The following MTCL1 variants were observed in gnomAD, a reference collection of about 807,000 sequenced individuals.
The protein encoded by MTCL1 is microtubule cross-linking factor 1.
A neutral mutation model predicts 141.4 loss-of-function variants in MTCL1; 79 were observed. That is an observed-to-expected ratio of 0.56 (90% CI 0.47 to 0.67). MTCL1 has a LOEUF of 0.67. Ranked by LOEUF, MTCL1 falls within the 30% of genes least tolerant of loss-of-function variation. The pLI, the probability that MTCL1 is intolerant of heterozygous loss-of-function variation, is 0.00. For synonymous variants in MTCL1, 914 were observed against 875.8 expected (o/e 1.04, Z -0.77); for missense variants, 2,177 against 2,113.9 (o/e 1.03, Z -0.59).
upstream of MTCL1, among the ~76,000 whole-genome samples, chr18:8,716,569 A>ATTTTTTTTTTTT (rs138840096): frequency 2.9e-5 from 3 of 103,864 alleles, no homozygotes; most frequent in Admixed American, 1.1e-4. Flanking sequence ...CTTTTTGTTC[A>ATTTTTTTTTTTT]TTTTTTTTTT....
At chr18:8,831,460 T>C (rs1205811998) in intron 16 of MTCL1, 147 bp from the exon 15 acceptor site, 2 of 1,441,612 alleles carry the variant, frequency 1.4e-6, no homozygotes, top group Middle Eastern at 1.8e-4. Flanking sequence ...TTATTCTGCA[T>C]GAGCATAGAA....
At chr18:8,706,332 G>C in exon 1 of MTCL1, 1 of 1,230,574 alleles carries the variant, frequency 8.1e-7, no homozygotes, top group Non-Finnish European at 1.0e-6. Flanking sequence ...CCGACGAGCA[G>C]CGCCTGCTCC....
exon 6 of MTCL1, chr18:8,784,233 A>G (rs1214026870): frequency 1.9e-6 from 3 of 1,609,072 alleles, no homozygotes; most frequent in Admixed American, 1.7e-5. Context: ...CTGGCAGCCC[A>G]CCTGGGGCTG....
chr18:8,722,791 A>G (rs2096182200), intron 4 of MTCL1, among the ~76,000 whole-genome samples: 1 of 152,238 alleles, frequency 6.6e-6, no homozygotes, highest in African/African-American at 2.4e-5. Context: ...TCAACTGTAG[A>G]ACTATATTTT....
intron 14 of MTCL1, among the ~76,000 whole-genome samples, chr18:8,821,735 A>C (rs894761593): frequency 6.6e-6 from 1 of 152,164 alleles, no homozygotes; most frequent in Non-Finnish European, 1.5e-5. Context: ...AGGACTTTCC[A>C]GTTGTTGTTG....
intron 11 of MTCL1, chr18:8,809,521 C>T (rs1568080002): frequency 3.9e-6 from 6 of 1,536,112 alleles, no homozygotes; most frequent in East Asian, 2.4e-5. Flanking sequence ...GCTGGGTCCA[C>T]GGTAAAAACG....
At chr18:8,799,301 C>A (rs1432440287) in intron 10 of MTCL1, among the ~76,000 whole-genome samples, 1 of 152,224 alleles carries the variant, frequency 6.6e-6, no homozygotes, top group African/African-American at 2.4e-5. Flanking sequence ...CAGGCGGCAA[C>A]CTTCTGAGTG....
intron 4 of MTCL1, among the ~76,000 whole-genome samples, chr18:8,722,707 T>G (rs896069886): frequency 9.9e-5 from 15 of 152,186 alleles, no homozygotes; most frequent in African/African-American, 3.6e-4. Context: ...TCTTGCTGTC[T>G]CAGGGGTGGC....
chr18:8,819,175 C>T lies in MTCL1; in HGVS notation c.3072C>T (p.Tyr1024=), dbSNP rs775249898. Residue 1024 remains tyrosine, a synonymous_variant, in exon 13 of 17, where the codon TAC becomes TAT. Coordinates refer to ENST00000359865, the Ensembl canonical transcript of MTCL1. ...GGTGCTCGGCCAGTGAGAATCTCTA[C>T]CTGGATGCCTTGTCCCTGGATGACG... 2.5e-6 allele frequency: 4 copies of T among 1,614,118 alleles called. No homozygotes were observed. The South Asian group carries it at 3.3e-5, about 13-fold the overall frequency.
At chr18:8,714,942 G>A (rs886322653), upstream of MTCL1, among the ~76,000 whole-genome samples, 2 of 152,004 alleles carry the variant, frequency 1.3e-5, no homozygotes, top group South Asian at 2.1e-4. Context: ...GACTACAGGT[G>A]CCCGCCACCA....
intron 10 of MTCL1, among the ~76,000 whole-genome samples, chr18:8,805,102 A>AATATATATATATATATATATATATATAT (rs71356268): frequency 5.5e-4 from 80 of 146,324 alleles, no homozygotes; most frequent in African/African-American, 1.7e-3. Flanking sequence ...TTTATTTTTG[A>AATATATATATATATATATATATATATAT]ATATATATAT....
rs1218977088 is a variant in MTCL1 at position 8,825,749 on chromosome 18, G to A, written c.4239G>A (p.Gly1413=). The stretch of plus-strand genomic sequence containing the variant: ...AGCCAAATAACAGGACGTCACCAGG[G>A]ATGGCCCAGAAAGGGTACAGTGAGT... Residue 1413 remains glycine, a synonymous_variant, in exon 15 of 17, where the codon GGG becomes GGA. Coordinates refer to ENST00000359865, the Ensembl canonical transcript of MTCL1. 1.9e-6 allele frequency: 3 copies of A among 1,614,178 alleles called. No individual in the cohort carries two copies. In the South Asian group the frequency reaches 3.3e-5, roughly 18 times the overall value.
intron 7 of MTCL1, 191 bp downstream of exon 6, chr18:8,786,282 C>T (rs1054307768): frequency 5.1e-5 from 37 of 729,912 alleles, no homozygotes; most frequent in South Asian, 5.9e-5. Flanking sequence ...CAGGTGCCTG[C>T]GGTGAACTGC....
At chr18:8,813,127 G>A in exon 12 of MTCL1, 1 of 1,614,194 alleles carries the variant, frequency 6.2e-7, no homozygotes, top group Non-Finnish European at 8.5e-7. Flanking sequence ...ATCCATCACA[G>A]CGAGAAGAAC....
At chr18:8,737,189 A>G (rs1231368290) in intron 4 of MTCL1, among the ~76,000 whole-genome samples, 1 of 152,208 alleles carries the variant, frequency 6.6e-6, no homozygotes, top group Non-Finnish European at 1.5e-5. Context: ...GGACGCTGGC[A>G]TCACTCTTCA....
At position 8,720,313 on chromosome 18, in the gene MTCL1, TA is replaced by T. The variant is rs768304502; in HGVS notation, c.199-23del. Reference sequence around the variant, plus strand: ...GCACACAAAAAGCCTCATATCCTGATAATGATCTCTGTGGGTCGATGCAGGT... The same window carrying T: ...GCACACAAAAAGCCTCATATCCTGATATGATCTCTGTGGGTCGATGCAGGT... On this transcript the variant is annotated intron_variant, in intron 3 of 16. Coordinates refer to ENST00000359865, the Ensembl canonical transcript of MTCL1. 8 of 1,613,328 alleles carry T rather than the reference TA, an allele frequency of 5.0e-6. No individual in the cohort carries two copies. The South Asian group carries it at 8.8e-5, about 18-fold the overall frequency.
chr18:8,718,938 CT>C (rs2096149238), intron 3 of MTCL1, among the ~76,000 whole-genome samples: 1 of 152,128 alleles, frequency 6.6e-6, no homozygotes, highest in Non-Finnish European at 1.5e-5. Flanking sequence ...TGCAGAAACT[CT>C]GAAAGATCTG....
chr18:8,758,341 C>G (rs908913906), intron 4 of MTCL1, among the ~76,000 whole-genome samples: 42 of 152,088 alleles, frequency 2.8e-4, no homozygotes, highest in African/African-American at 9.9e-4. Context: ...TCTTCTAATC[C>G]CTCAGGAGTT....
exon 15 of MTCL1, chr18:8,825,191 G>A (rs749801556): frequency 1.9e-6 from 3 of 1,583,978 alleles, no homozygotes; most frequent in East Asian, 2.2e-5. Context: ...GAGACACCAA[G>A]GGAGGCCCTC....
Sources: allele counts gnomAD v4.1 joint callset (sites outside exome capture counted in the v4.1 genomes callset), GRCh38; gene constraint gnomAD v4.1.1; transcripts MANE v1.5; gene names NCBI Gene and HGNC (gene_info 2026-07-23, HGNC 2026-07-21).